The following GRID2 variants were observed in gnomAD, a reference collection of about 807,000 sequenced individuals.
GRID2 encodes glutamate receptor ionotropic, delta-2.
Under a neutral mutation model 114.8 loss-of-function variants are expected in GRID2, and 33 were observed. The ratio of observed to expected loss-of-function variants is 0.29; its 90% confidence interval spans 0.22 to 0.38. The LOEUF (loss-of-function observed/expected upper bound fraction) is 0.38, where lower values mean the gene tolerates loss of function less well. Among genes scored for constraint, GRID2 ranks in the 10% least tolerant of loss-of-function variants. The probability of loss-of-function intolerance (pLI) is 1.00; values close to 1 mark genes in which losing one functional copy is unlikely to be tolerated. For synonymous variants in GRID2, 505 were observed against 449.9 expected, an observed-to-expected ratio of 1.12 and a Z score of -1.55; for missense variants, 1,184 against 1,257.7, an observed-to-expected ratio of 0.94 and a Z score of 0.89.
chr4:92,383,642 G>T (rs904368849), intron 1 of GRID2, among the ~76,000 whole-genome samples: 1 of 151,832 alleles, frequency 6.6e-6, no homozygotes, highest in Non-Finnish European at 1.5e-5. Context: ...CTATGTATTT[G>T]CTCTGTGTAT....
At chr4:92,709,939 A>G (rs1003155794) in intron 2 of GRID2, among the ~76,000 whole-genome samples, 3 of 152,120 alleles carry the variant, frequency 2.0e-5, no homozygotes, top group African/African-American at 4.8e-5. Flanking sequence ...AATTTTCAGT[A>G]TATGTAACAG....
At chr4:92,449,711 A>ATATATATATATATG (rs1466326075) in intron 1 of GRID2, among the ~76,000 whole-genome samples, 2 of 130,136 alleles carry the variant, frequency 1.5e-5, no homozygotes, top group African/African-American at 3.1e-5. Context: ...ATATATATAT[A>ATATATATATATATG]ACACTTAAGC....
In GRID2 at chr4:93,339,557, C is replaced by G. The variant is rs977707211; in HGVS notation, c.1246-56050C>G. On this transcript the variant is annotated intron_variant, in intron 8 of 15. Coordinates refer to ENST00000282020, the MANE Select transcript of GRID2 (RefSeq NM_001510.4). ...TGACCATACCTTGCTTATGGATTTC[C>G]CTCCAGAACTGTGTGACAATAAATT... 2.6e-5 allele frequency among the ~76,000 whole-genome samples: 4 copies of G among 152,154 alleles called. No individual in the cohort carries two copies. In the East Asian group the frequency reaches 7.7e-4, roughly 29 times the overall value.
intron 14 of GRID2, among the ~76,000 whole-genome samples, chr4:93,704,967 C>T (rs550638366): frequency 1.3e-5 from 2 of 152,156 alleles, no homozygotes; most frequent in African/African-American, 2.4e-5. Flanking sequence ...GAGTATATAC[C>T]TAGGAGTGGG....
rs138717149 is a variant in GRID2 at position 93,312,936 on chromosome 4, C to T, written c.1245+74446C>T. Among the ~76,000 whole-genome samples, 375 of 152,166 alleles carry T rather than the reference C, an allele frequency of 2.5e-3. 2 individuals carry two copies. The highest frequency in any genetic ancestry group is 8.5e-3 in the African/African-American group (351 of 41,536). ...AAAGAATATATGCCAAAGACAAATG[C>T]TCAAATATGGAGTTTCATAGGAATT... On this transcript the variant is annotated intron_variant, in intron 8 of 15. Transcript: ENST00000282020.
chr4:92,912,668 T>G (rs950931164), intron 2 of GRID2, among the ~76,000 whole-genome samples: 1 of 151,860 alleles, frequency 6.6e-6, no homozygotes, highest in Non-Finnish European at 1.5e-5. Context: ...AATTGATACA[T>G]TTGTTGAGTG....
rs536740049 is a variant in GRID2, at chr4:93,801,506, T to G, written c.222-5209T>G. Reference sequence around the variant, plus strand: ...TTCTAAATAAAATATAACACTATTTTATTAAATATTTTTAATTTACACAAA... The same window carrying G: ...TTCTAAATAAAATATAACACTATTTGATTAAATATTTTTAATTTACACAAA... On this transcript the variant is annotated intron_variant, in intron 1 of 1. Transcript: ENST00000637838. 7.2e-5 allele frequency among the ~76,000 whole-genome samples: 11 copies of G among 152,206 alleles called. No homozygotes were observed. The South Asian group carries it at 2.3e-3, about 32-fold the overall frequency.
At chr4:93,531,193 A>G (rs999825123) in intron 13 of GRID2, among the ~76,000 whole-genome samples, 4 of 152,140 alleles carry the variant, frequency 2.6e-5, no homozygotes, top group Non-Finnish European at 5.9e-5. Context: ...GACGAAGGCT[A>G]GGCTCAAACA....
chr4:92,748,117 C>A (rs1027408771), intron 2 of GRID2, among the ~76,000 whole-genome samples: 2 of 152,112 alleles, frequency 1.3e-5, no homozygotes, highest in African/African-American at 4.8e-5. Flanking sequence ...GACCCTGATA[C>A]CAGTAGTCAA....
intron 2 of GRID2, among the ~76,000 whole-genome samples, chr4:92,885,912 A>C (rs2149463121): frequency 6.6e-6 from 1 of 152,328 alleles, no homozygotes; most frequent in Admixed American, 6.5e-5. Context: ...CAACTGTGTT[A>C]AAATGTTAAC....
intron 2 of GRID2, among the ~76,000 whole-genome samples, chr4:93,007,596 T>C (rs1409282719): frequency 6.6e-6 from 1 of 152,144 alleles, no homozygotes; most frequent in African/African-American, 2.4e-5. Flanking sequence ...ATATCTAACT[T>C]AGGGATTATT....
chr4:92,431,654 G>A (rs769142310), intron 1 of GRID2, among the ~76,000 whole-genome samples: 8 of 149,880 alleles, frequency 5.3e-5, no homozygotes, highest in African/African-American at 9.9e-5. Context: ...AAGACTTTCC[G>A]TCTCTATGTT....
chr4:93,099,229 TCTTA>T (rs1183584346), intron 3 of GRID2, among the ~76,000 whole-genome samples: 1 of 151,880 alleles, frequency 6.6e-6, no homozygotes, highest in African/African-American at 2.4e-5. Context: ...TTGAAAGCAA[TCTTA>T]CTTATAAGAA....
chr4:92,513,382 T>C (rs917993823), intron 1 of GRID2, among the ~76,000 whole-genome samples: 5 of 151,876 alleles, frequency 3.3e-5, no homozygotes, highest in Non-Finnish European at 7.4e-5. Flanking sequence ...GGGAACTCTA[T>C]GCACATTGAC....
chr4:93,706,524 G>T (rs1254481208), intron 14 of GRID2, among the ~76,000 whole-genome samples: 1 of 152,086 alleles, frequency 6.6e-6, no homozygotes, highest in African/African-American at 2.4e-5. Context: ...ATTGTTCACT[G>T]TTGGCATATA....
intron 14 of GRID2, among the ~76,000 whole-genome samples, chr4:93,648,889 G>A (rs1157552902): frequency 6.6e-6 from 1 of 151,848 alleles, no homozygotes; most frequent in Non-Finnish European, 1.5e-5. Context: ...ACATACAGTT[G>A]CTACTACTCT....
intron 2 of GRID2, among the ~76,000 whole-genome samples, chr4:92,611,947 T>C (rs1367320428): frequency 7.9e-5 from 12 of 151,508 alleles, no homozygotes; most frequent in South Asian, 2.1e-4. Context: ...TCCATGATTT[T>C]CCCCCCTATT....
At chr4:93,510,419 A>G (rs1314598606) in intron 12 of GRID2, among the ~76,000 whole-genome samples, 1 of 152,190 alleles carries the variant, frequency 6.6e-6, no homozygotes, top group Admixed American at 6.5e-5. Context: ...ATAGGAAAAA[A>G]ATATAAGTGA....
chr4:92,384,923 G>A (rs898515773), intron 1 of GRID2, among the ~76,000 whole-genome samples: 1 of 150,908 alleles, frequency 6.6e-6, no homozygotes, highest in Non-Finnish European at 1.5e-5. Flanking sequence ...TGTTTATGGA[G>A]CTGAATCAGA....
Sources: allele counts gnomAD v4.1 joint callset (sites outside exome capture counted in the v4.1 genomes callset), GRCh38; gene constraint gnomAD v4.1.1; transcripts MANE v1.5; gene names NCBI Gene and HGNC (gene_info 2026-07-23, HGNC 2026-07-21).